The following TCF4 variants were observed in gnomAD, a reference collection of about 807,000 sequenced individuals.
The protein encoded by TCF4 is SL3-3 enhancer factor 2.
In TCF4, 3 loss-of-function variants were observed where a neutral mutation model predicts 82.1. The observed-to-expected ratio is 0.04, with a 90% CI of 0.02 to 0.09. TCF4 has a LOEUF of 0.09. Ranked by LOEUF, TCF4 falls within the 10% of genes least tolerant of loss-of-function variation. TCF4 has a pLI of 1.00. For missense variants in TCF4, 518 were observed against 852.7 expected (o/e 0.61, Z 4.89); for synonymous variants, 276 against 309.6 (o/e 0.89, Z 1.14).
chr18:55,246,394 A>C (rs2053187571), intron 15 of TCF4, among the ~76,000 whole-genome samples: 2 of 152,272 alleles, frequency 1.3e-5, no homozygotes, highest in Non-Finnish European at 1.5e-5. Context: ...CAGGGTTTTG[A>C]GGTAAACATC....
chr18:55,603,671 C>G (rs17514242), intron 2 of TCF4, among the ~76,000 whole-genome samples: 42,903 of 152,088 alleles, frequency 0.28, 7,065 homozygotes, highest in Middle Eastern at 0.43. Context: ...TTCATAACCA[C>G]AGGCTGCATC....
intron 3 of TCF4, among the ~76,000 whole-genome samples, chr18:55,509,226 A>T (rs1270965147): frequency 6.6e-6 from 1 of 152,074 alleles, no homozygotes; most frequent in Non-Finnish European, 1.5e-5. Flanking sequence ...TTTTTAAACC[A>T]TTATATAAAA....
chr18:55,545,035 G>A (rs1376953767), intron 3 of TCF4, among the ~76,000 whole-genome samples: 1 of 152,202 alleles, frequency 6.6e-6, no homozygotes, highest in Non-Finnish European at 1.5e-5. Flanking sequence ...ATTGCACACA[G>A]AAACTCTAGA....
intron 3 of TCF4, among the ~76,000 whole-genome samples, chr18:55,465,315 AATTT>A (rs1313100334): frequency 1.3e-5 from 2 of 151,556 alleles, no homozygotes; most frequent in South Asian, 4.1e-4. Flanking sequence ...TAGTATAATT[AATTT>A]ATTTATTTTG....
chr18:55,586,226 A>AGCAGCAGCAGCT, intron 2 of TCF4: 1 of 1,029,760 alleles, frequency 9.7e-7, no homozygotes, highest in Non-Finnish European at 1.4e-6. Flanking sequence ...CAGCAGCAGC[A>AGCAGCAGCAGCT]GCATGAAAGA....
chr18:55,301,284 A>G lies in TCF4; in HGVS notation c.550-21628T>C, dbSNP rs142812435. Among the ~76,000 whole-genome samples the G allele has an allele frequency of 1.3e-3, 200 of 152,328 alleles. 1 individual carries two copies. Among genetic ancestry groups the G allele is most frequent in the African/African-American group, 4.7e-3 (194 of 41,576 alleles). Reference sequence around the variant, plus strand: ...GCTGGTTGAATGTAATACAGTAGGTAAAATCCGTCTCTTATTTCCACCAAC... The same window carrying G: ...GCTGGTTGAATGTAATACAGTAGGTGAAATCCGTCTCTTATTTCCACCAAC... On this transcript the variant is annotated intron_variant, in intron 8 of 19. Coordinates refer to ENST00000354452, the MANE Select transcript of TCF4 (RefSeq NM_001083962.2).
chr18:55,418,003 ATGTGTGTGTGTGTGTGTGTG>A (rs201657057), intron 5 of TCF4, among the ~76,000 whole-genome samples: 2 of 143,386 alleles, frequency 1.4e-5, no homozygotes, highest in African/African-American at 5.1e-5. Flanking sequence ...TCTTGAGCAA[ATGTGTGTGTGTGTGTGTGTG>A]TGTGTGTGTG....
chr18:55,509,541 T>G (rs891134891), intron 3 of TCF4, among the ~76,000 whole-genome samples: 1 of 152,156 alleles, frequency 6.6e-6, no homozygotes, highest in African/African-American at 2.4e-5. Flanking sequence ...GAATGGACTG[T>G]TGAAAGAATG....
intron 5 of TCF4, among the ~76,000 whole-genome samples, chr18:55,432,405 A>G (rs1219212982): frequency 6.8e-6 from 1 of 146,450 alleles, no homozygotes; most frequent in Non-Finnish European, 1.5e-5. Flanking sequence ...GGGAGGAAGG[A>G]GAAAACCTAG....
chr18:55,616,718 C>CAT (rs1364508199), intron 2 of TCF4, among the ~76,000 whole-genome samples: 2 of 152,054 alleles, frequency 1.3e-5, no homozygotes, highest in African/African-American at 4.8e-5. Context: ...GAGCATCTTT[C>CAT]ATATACCTGT....
intron 3 of TCF4, among the ~76,000 whole-genome samples, chr18:55,473,575 CTA>C (rs2096231360): frequency 6.6e-6 from 1 of 152,140 alleles, no homozygotes; most frequent in South Asian, 2.1e-4. Flanking sequence ...ATCCTTCCAC[CTA>C]TGTTTAACAC....
chr18:55,463,977 T>TGTGAGA lies in TCF4; in HGVS notation c.207+98_207+99insTCTCAC, dbSNP rs867214369. 10,716 of 294,932 alleles carry TGTGAGA rather than the reference T, an allele frequency of 0.036. 60 individuals are homozygous for TGTGAGA. The highest frequency in any genetic ancestry group is 0.058 in the Middle Eastern group (59 of 1,012). 18.3% of individuals were successfully genotyped at this position (294,932 alleles called of 1,614,324 possible). The stretch of plus-strand genomic sequence containing the variant: ...GTGTGTGTGTGTGTGTGTGTGTGTG[T>TGTGAGA]GAGAGAGAGAGAGAGAGAGAGAGAG... On this transcript the variant is annotated intron_variant, in intron 4 of 19. Transcript: ENST00000354452.
intron 3 of TCF4, among the ~76,000 whole-genome samples, chr18:55,520,929 G>A (rs755416370): frequency 4.6e-5 from 7 of 152,074 alleles, no homozygotes; most frequent in South Asian, 4.2e-4. Context: ...CAGCCTATTC[G>A]TCGCAATTCA....
intron 6 of TCF4, among the ~76,000 whole-genome samples, chr18:55,358,657 G>C (rs980197566): frequency 6.6e-6 from 1 of 152,206 alleles, no homozygotes. Context: ...ACACTCACCC[G>C]CTATCTTCTG....
chr18:55,322,957 C>G (rs1158723730), intron 8 of TCF4, among the ~76,000 whole-genome samples: 1 of 152,186 alleles, frequency 6.6e-6, no homozygotes, highest in African/African-American at 2.4e-5. Flanking sequence ...CACATTTTTA[C>G]TAAACTTCGA....
intron 6 of TCF4, among the ~76,000 whole-genome samples, chr18:55,388,464 T>C (rs1012994560): frequency 6.6e-6 from 1 of 152,264 alleles, no homozygotes; most frequent in African/African-American, 2.4e-5. Flanking sequence ...CAAAATATTC[T>C]TTTTTGTCTA....
chr18:55,491,260 G>A (rs1445736140), intron 3 of TCF4, among the ~76,000 whole-genome samples: 1 of 152,048 alleles, frequency 6.6e-6, no homozygotes, highest in Non-Finnish European at 1.5e-5. Context: ...AATACCCCCA[G>A]ACCATCATGG....
intron 8 of TCF4, among the ~76,000 whole-genome samples, chr18:55,311,244 A>C (rs560640092): frequency 6.6e-6 from 1 of 152,372 alleles, no homozygotes; most frequent in South Asian, 2.1e-4. Flanking sequence ...CACAATGCCA[A>C]GATTTAATTA....
At chr18:55,319,956 T>G (rs1365081683) in intron 8 of TCF4, among the ~76,000 whole-genome samples, 1 of 152,154 alleles carries the variant, frequency 6.6e-6, no homozygotes, top group Non-Finnish European at 1.5e-5. Context: ...CCATGGAAAC[T>G]TATATTCTTT....
Sources: allele counts gnomAD v4.1 joint callset (sites outside exome capture counted in the v4.1 genomes callset), GRCh38; gene constraint gnomAD v4.1.1; transcripts MANE v1.5; gene names NCBI Gene and HGNC (gene_info 2026-07-23, HGNC 2026-07-21).